PHC2: variants seen among roughly 807,000 people sequenced by gnomAD.
PHC2 encodes polyhomeotic-like protein 2.
A neutral mutation model predicts 87.4 loss-of-function variants in PHC2; 29 were observed. The observed-to-expected ratio is 0.33, with a 90% CI of 0.25 to 0.45. The LOEUF is 0.45. Among genes scored for constraint, PHC2 ranks in the 20% least tolerant of loss-of-function variants. The pLI is 1.00. For missense variants in PHC2, 857 were observed against 1,136.7 expected (o/e 0.75, Z 3.54); for synonymous variants, 438 against 461.7 (o/e 0.95, Z 0.66).
chr1:33,325,315 T>C (rs1570434586), intron 14 of PHC2: 1 of 313,078 alleles, frequency 3.2e-6, no homozygotes, highest in East Asian at 6.3e-5. Context: ...CAGCGTGTGA[T>C]TTCTGAGGCT....
intron 1 of PHC2, among the ~76,000 whole-genome samples, chr1:33,402,421 C>T (rs1570508908): frequency 6.6e-6 from 1 of 152,140 alleles, no homozygotes; most frequent in South Asian, 2.1e-4. Flanking sequence ...TATGGCCTAG[C>T]AATTCTATTC....
intron 7 of PHC2, among the ~76,000 whole-genome samples, chr1:33,360,107 G>A (rs562132930): frequency 6.6e-6 from 1 of 152,342 alleles, no homozygotes; most frequent in East Asian, 1.9e-4. Context: ...TTTCCATGAT[G>A]CATTCCCTTG....
In PHC2 at chr1:33,349,642, C is replaced by G. The variant is rs1317668969; in HGVS notation, c.1558+4759G>C. On this transcript the variant is annotated intron_variant, in intron 9 of 14. Transcript: ENST00000683057. The surrounding 1 kb of genome is among the most constrained non-coding windows in gnomAD (Gnocchi z 4.2). ...CCTGGCCGGGCGGGGCCTACGCAGCCCCTCGGCCGGGCGCCGACTCGCGCG... is the reference window on the plus strand; with the variant it reads ...CCTGGCCGGGCGGGGCCTACGCAGCGCCTCGGCCGGGCGCCGACTCGCGCG... 8.1e-6 allele frequency: 8 copies of G among 983,348 alleles called. No homozygotes were observed. Among genetic ancestry groups the G allele is most frequent in the Non-Finnish European group, 9.6e-6 (8 of 829,422 alleles). 60.9% of individuals were successfully genotyped at this position (983,348 alleles called of 1,614,324 possible).
At chr1:33,384,308 G>A (rs975693794) in intron 1 of PHC2, among the ~76,000 whole-genome samples, 1 of 152,168 alleles carries the variant, frequency 6.6e-6, no homozygotes, top group Non-Finnish European at 1.5e-5. Flanking sequence ...TGAAGCATGA[G>A]AGCCACTGCT....
intron 9 of PHC2, among the ~76,000 whole-genome samples, chr1:33,343,395 T>C (rs12566493): frequency 0.1 from 14,669 of 140,192 alleles, 1,016 homozygotes; most frequent in East Asian, 0.3. Flanking sequence ...GCTTGAACCC[T>C]GGAGGCAGAG....
At chr1:33,370,621 G>A (rs1429809783) in intron 4 of PHC2, 36 bp from the exon 5 acceptor site, 1 of 1,579,402 alleles carries the variant, frequency 6.3e-7, no homozygotes, top group Admixed American at 1.7e-5. Flanking sequence ...GAGATAGGAG[G>A]TTCTGTTGGT....
At chr1:33,374,831 C>CT (rs1307548410) in intron 2 of PHC2, among the ~76,000 whole-genome samples, 1 of 152,090 alleles carries the variant, frequency 6.6e-6, no homozygotes, top group Non-Finnish European at 1.5e-5. Flanking sequence ...TAATAATAAC[C>CT]AAAAGGATAA....
intron 14 of PHC2, among the ~76,000 whole-genome samples, chr1:33,326,907 C>A (rs1646383679): frequency 6.6e-6 from 1 of 152,128 alleles, no homozygotes; most frequent in South Asian, 2.1e-4. Flanking sequence ...CGAGATCACG[C>A]CATTGCACAA....
At chr1:33,371,135 C>T in intron 3 of PHC2, 41 bp from the exon 4 acceptor site, 4 of 1,499,868 alleles carry the variant, frequency 2.7e-6, no homozygotes, top group Admixed American at 1.7e-5. Context: ...TCCCAGACCT[C>T]CCCCAGTCAC....
chr1:33,426,156 T>C (rs1237982932), intron 1 of PHC2, among the ~76,000 whole-genome samples: 4 of 152,254 alleles, frequency 2.6e-5, no homozygotes, highest in Admixed American at 2.0e-4. Flanking sequence ...AGTTCACTAA[T>C]CACTTTCCTA....
At chr1:33,399,723 G>A (rs180686459) in intron 1 of PHC2, among the ~76,000 whole-genome samples, 1 of 152,254 alleles carries the variant, frequency 6.6e-6, no homozygotes, top group East Asian at 1.9e-4. Context: ...TGCTACTAGA[G>A]GGACAGGGAA....
intron 1 of PHC2, among the ~76,000 whole-genome samples, chr1:33,404,490 TCTTTTAACCC>T (rs1183550174): frequency 6.6e-6 from 1 of 152,374 alleles, no homozygotes; most frequent in South Asian, 2.1e-4. Context: ...TATTTTCCTC[TCTTTTAACCC>T]CTTTATGTAT....
intron 2 of PHC2, 77 bp from the exon 3 acceptor site, chr1:33,372,524 C>T: frequency 7.6e-7 from 1 of 1,317,072 alleles, no homozygotes; most frequent in African/African-American, 1.5e-5. Context: ...ATGCCTTGCC[C>T]ACCCCAGGTC....
chr1:33,325,096 C>A, intron 14 of PHC2, 77 bp from the exon 15 acceptor site: 1 of 1,348,520 alleles, frequency 7.4e-7, no homozygotes, highest in Non-Finnish European at 1.0e-6. Flanking sequence ...ATCTAGTTAT[C>A]TAGATCTAGT....
In PHC2 at chr1:33,354,525, TG is replaced by T; in HGVS notation, c.1433del (p.Pro478GlnfsTer52). On this transcript the variant is annotated frameshift_variant, in exon 9 of 15. Transcript: ENST00000683057. LOFTEE classifies it high-confidence loss of function. Reference protein sequence around the residue: ...CVPDDWKEVAPGEKSVPETRS... With the variant: ...CVPDDWKEVAXGEKSVPETRS... ...GCGTCTCAGGCACACTTTTCTCCCC[TG>T]GTGCCACTTCTTTCCAGTCATCAGG... is the stretch of plus-strand genomic sequence containing the variant. 6.2e-7 allele frequency: 1 copy of T among 1,614,124 alleles called. No individual in the cohort carries two copies. The highest frequency in any genetic ancestry group is 8.5e-7 in the Non-Finnish European group (1 of 1,179,998).
intron 1 of PHC2, among the ~76,000 whole-genome samples, chr1:33,429,436 C>T (rs548135786): frequency 1.3e-5 from 2 of 152,196 alleles, no homozygotes; most frequent in Admixed American, 6.5e-5. Flanking sequence ...ATTCGCTGTT[C>T]CCCCGCTTTG....
chr1:33,401,529 C>T (rs1170797209), intron 1 of PHC2, among the ~76,000 whole-genome samples: 4 of 152,162 alleles, frequency 2.6e-5, no homozygotes, highest in Admixed American at 6.5e-5. Flanking sequence ...TTACCAACTC[C>T]GCATTTTAGT....
intron 14 of PHC2, among the ~76,000 whole-genome samples, chr1:33,327,226 T>C (rs765612511): frequency 6.6e-6 from 1 of 152,198 alleles, no homozygotes; most frequent in Non-Finnish European, 1.5e-5. Flanking sequence ...GGTTATCCTA[T>C]GGCTGTCCCA....
At chr1:33,390,919 G>A (rs904254622) in intron 1 of PHC2, among the ~76,000 whole-genome samples, 1 of 152,146 alleles carries the variant, frequency 6.6e-6, no homozygotes, top group African/African-American at 2.4e-5. Flanking sequence ...ACTTTCACTT[G>A]CATCAGCTAA....
Sources: gnomAD v4.1 joint callset for allele counts (sites outside exome capture counted in the v4.1 genomes callset) on GRCh38, gnomAD v4.1.1 for gene constraint, Gnocchi (gnomAD v3.1) non-coding constraint, MANE v1.5 for transcripts, NCBI Gene and HGNC (gene_info 2026-07-23, HGNC 2026-07-21) for gene names.